Variants in SCMH1 observed in about 807,000 individuals in gnomAD.
SCMH1 encodes Scm polycomb group protein homolog 1.
A neutral mutation model predicts 70.8 loss-of-function variants in SCMH1; 37 were observed. That is an observed-to-expected ratio of 0.52 (90% CI 0.40 to 0.69). SCMH1 has a LOEUF of 0.69. Ranked by LOEUF, SCMH1 falls within the 30% of genes least tolerant of loss-of-function variation. The pLI is 0.00. For synonymous variants in SCMH1, 292 were observed against 307.4 expected, an observed-to-expected ratio of 0.95 and a Z score of 0.52; for missense variants, 607 against 827.3, an observed-to-expected ratio of 0.73 and a Z score of 3.27.
intron 12 of SCMH1, among the ~76,000 whole-genome samples, chr1:41,042,730 A>G (rs540087915): frequency 2.0e-5 from 3 of 152,250 alleles, no homozygotes; most frequent in African/African-American, 7.2e-5. Context: ...CACCACATAC[A>G]TGTTCACATA....
intron 2 of SCMH1, among the ~76,000 whole-genome samples, chr1:41,163,311 A>G (rs1216668133): frequency 1.3e-5 from 2 of 151,194 alleles, no homozygotes; most frequent in African/African-American, 4.9e-5. Flanking sequence ...GTTCATACAC[A>G]CTCCTCACCA....
At chr1:41,186,523 C>T (rs1225170984) in intron 1 of SCMH1, among the ~76,000 whole-genome samples, 1 of 152,102 alleles carries the variant, frequency 6.6e-6, no homozygotes, top group Non-Finnish European at 1.5e-5. Flanking sequence ...TTCCAGCTAA[C>T]CAGGTTAAGC....
intron 6 of SCMH1, among the ~76,000 whole-genome samples, chr1:41,120,974 CACT>C (rs1387661699): frequency 6.6e-6 from 1 of 152,200 alleles, no homozygotes; most frequent in Non-Finnish European, 1.5e-5. Context: ...TGCAGTGGAT[CACT>C]ACTACTATTC....
At chr1:41,224,932 A>T (rs74070726) in intron 1 of SCMH1, among the ~76,000 whole-genome samples, 1,955 of 152,314 alleles carry the variant, frequency 0.013, 41 homozygotes, top group African/African-American at 0.045. Flanking sequence ...CACTGGATTT[A>T]GGATTAGAAT....
chr1:41,044,274 T>G (rs1393523597), intron 12 of SCMH1, among the ~76,000 whole-genome samples: 3 of 151,944 alleles, frequency 2.0e-5, no homozygotes, highest in Admixed American at 6.6e-5. Flanking sequence ...AGCAGAAGCG[T>G]GTAGCCAGGC....
chr1:41,237,527 G>C (rs1029440000), intron 1 of SCMH1, among the ~76,000 whole-genome samples: 1 of 152,148 alleles, frequency 6.6e-6, no homozygotes, highest in African/African-American at 2.4e-5. Flanking sequence ...AATGTATCCA[G>C]AATCAACTCC....
At chr1:41,150,594 A>G (rs1644980997) in intron 5 of SCMH1, among the ~76,000 whole-genome samples, 1 of 152,108 alleles carries the variant, frequency 6.6e-6, no homozygotes, top group Non-Finnish European at 1.5e-5. Context: ...AGTCCCTTTT[A>G]TTTCAAATGA....
At chr1:41,196,063 A>G (rs1048804035) in intron 1 of SCMH1, among the ~76,000 whole-genome samples, 1 of 152,214 alleles carries the variant, frequency 6.6e-6, no homozygotes, top group Non-Finnish European at 1.5e-5. Flanking sequence ...GAAATTAAAG[A>G]AGATGTAAGT....
chr1:41,225,344 T>C (rs1660057783), intron 1 of SCMH1, among the ~76,000 whole-genome samples: 1 of 152,134 alleles, frequency 6.6e-6, no homozygotes. Flanking sequence ...GGCAGTCATA[T>C]AGTTTGCCTG....
intron 1 of SCMH1, among the ~76,000 whole-genome samples, chr1:41,225,893 A>G (rs17358143): frequency 0.083 from 12,644 of 152,234 alleles, 703 homozygotes; most frequent in South Asian, 0.15. Context: ...TCAAAGAACC[A>G]TCTTCAAACA....
chr1:41,151,542 T>C, intron 5 of SCMH1, 72 bp downstream of exon 5: 4 of 1,220,974 alleles, frequency 3.3e-6, no homozygotes, highest in Non-Finnish European at 4.7e-6. Flanking sequence ...TTCCACCTCC[T>C]GTTTTGATTG....
chr1:41,236,937 G>T (rs568684146), intron 1 of SCMH1, among the ~76,000 whole-genome samples: 1 of 152,148 alleles, frequency 6.6e-6, no homozygotes, highest in Admixed American at 6.5e-5. Flanking sequence ...AGCAGTTTAC[G>T]GTGGCTAGAG....
Position 41,134,278 on chromosome 1 carries a change from G to A in SCMH1, c.412+8600C>T, listed in dbSNP as rs111859126. Among the ~76,000 whole-genome samples the A allele has an allele frequency of 1.2e-3, 184 of 152,198 alleles. 2 individuals are homozygous for A. Among genetic ancestry groups the A allele is most frequent in the Middle Eastern group, 0.01 (3 of 294 alleles). Reference sequence around the variant, plus strand: ...TCAATAAATTAGGTATTGATGGGACGTATCTCAAAATAATAAGAGCTATTT... The same window carrying A: ...TCAATAAATTAGGTATTGATGGGACATATCTCAAAATAATAAGAGCTATTT... On this transcript the variant is annotated intron_variant, in intron 6 of 14. Transcript: ENST00000337495.
intron 13 of SCMH1, 68 bp from the exon 15 acceptor site, chr1:41,028,794 G>T: frequency 1.3e-6 from 2 of 1,561,188 alleles, no homozygotes; most frequent in South Asian, 1.2e-5. Context: ...CACTCTCCTT[G>T]GCACATCTCA....
intron 2 of SCMH1, among the ~76,000 whole-genome samples, chr1:41,175,402 C>T (rs1235832896): frequency 6.6e-6 from 1 of 152,188 alleles, no homozygotes; most frequent in Non-Finnish European, 1.5e-5. Context: ...CTCCCTGATT[C>T]TCAGGTCTTT....
At chr1:41,167,880 C>T (rs1015870598) in intron 2 of SCMH1, among the ~76,000 whole-genome samples, 1 of 144,168 alleles carries the variant, frequency 6.9e-6, no homozygotes, top group Admixed American at 6.9e-5. Context: ...GACAGGATTG[C>T]TGGGTATAGT....
chr1:41,040,086 G>A (rs2148613964), intron 12 of SCMH1, among the ~76,000 whole-genome samples: 1 of 152,008 alleles, frequency 6.6e-6, no homozygotes, highest in African/African-American at 2.4e-5. Context: ...GGATTCCTTT[G>A]CCCATCTATA....
At chr1:41,231,072 T>C (rs991197266) in intron 1 of SCMH1, among the ~76,000 whole-genome samples, 1 of 152,222 alleles carries the variant, frequency 6.6e-6, no homozygotes, top group African/African-American at 2.4e-5. Flanking sequence ...GAATTCTATA[T>C]ACCATGTTAA....
chr1:41,040,982 C>T (rs1646079870), intron 12 of SCMH1, among the ~76,000 whole-genome samples: 1 of 152,126 alleles, frequency 6.6e-6, no homozygotes, highest in Admixed American at 6.5e-5. Flanking sequence ...GAGAACCTGT[C>T]ATCAGGAATA....
Sources: gnomAD v4.1 joint callset for allele counts (sites outside exome capture counted in the v4.1 genomes callset) on GRCh38, gnomAD v4.1.1 for gene constraint, MANE v1.5 for transcripts, NCBI Gene and HGNC (gene_info 2026-07-23, HGNC 2026-07-21) for gene names.